PHF6: variants seen among roughly 807,000 people sequenced by gnomAD.
PHF6 encodes the protein PHD finger protein 6, also known as PHD-like zinc finger protein.
Under a neutral mutation model 34.0 loss-of-function variants are expected in PHF6, and 7 were observed. The observed-to-expected ratio is 0.21, with a 90% CI of 0.12 to 0.39. PHF6 has a LOEUF of 0.39. Among genes scored for constraint, PHF6 ranks in the 10% least tolerant of loss-of-function variants. The pLI is 1.00. For synonymous variants in PHF6, 89 were observed against 88.4 expected (o/e 1.01, Z -0.04); for missense variants, 128 against 262.8 (o/e 0.49, Z 3.55).
chrX:134,393,193 C>A (rs1205695919), intron 3 of PHF6, among the ~76,000 whole-genome samples: 1 of 111,798 alleles, frequency 8.9e-6, no homozygotes, highest in Non-Finnish European at 1.9e-5. Flanking sequence ...CATAAAAAGT[C>A]TCTTTTATAA....
At chrX:134,383,280 A>G (rs1602693967) in intron 3 of PHF6, among the ~76,000 whole-genome samples, 1 of 110,269 alleles carries the variant, frequency 9.1e-6, no homozygotes, top group South Asian at 3.9e-4. Context: ...TTTTAAATAT[A>G]TCAAGAAATT....
chrX:134,403,967 T>A (rs1265436970), intron 5 of PHF6, among the ~76,000 whole-genome samples: 1 of 110,672 alleles, frequency 9.0e-6, no homozygotes, highest in Non-Finnish European at 1.9e-5. Flanking sequence ...AGAGCTCTGA[T>A]GGAGATCTAC....
rs113820618 is a variant in PHF6 at position 134,400,104 on chromosome X, G to A, written c.418+6152G>A. ...ATTTTTATTTATTATTTTGAGACAG[G>A]GTCTCACTCTATCACGCAGGCTGGA... On this transcript the variant is annotated intron_variant, in intron 5 of 10. Coordinates refer to ENST00000370803, the MANE Select transcript of PHF6 (RefSeq NM_001015877.2). 7.4e-3 allele frequency among the ~76,000 whole-genome samples: 825 copies of A among 110,760 alleles called. 5 individuals carry two copies. Among genetic ancestry groups the A allele is most frequent in the African/African-American group, 0.026 (789 of 30,478 alleles).
intron 3 of PHF6, among the ~76,000 whole-genome samples, chrX:134,384,898 G>A (rs866832501): frequency 4.5e-5 from 5 of 110,886 alleles, no homozygotes; most frequent in Non-Finnish European, 7.6e-5. Flanking sequence ...TGATCCGCCC[G>A]CCTTGGCCTC....
In PHF6 at chrX:134,393,596, A is replaced by G. The variant is rs1249648889; in HGVS notation, c.336A>G (p.Lys112=). The change falls in exon 4 of 11, where the codon AAA becomes AAG. Residue 112 remains lysine (K), a synonymous_variant. Transcript: ENST00000370803. ...TYHYHCALHD[K]AQIREKPSQG... ...ACTACCACTGTGCATTGCATGATAA[A>G]GCTCAAATACGAGAGAAACCTTCAC... 8.3e-7 allele frequency: 1 copy of G among 1,208,177 alleles called. No homozygotes were observed. The highest frequency in any genetic ancestry group is 1.1e-6 in the Non-Finnish European group (1 of 892,587).
chrX:134,395,954 C>T (rs929604748), intron 5 of PHF6, among the ~76,000 whole-genome samples: 1 of 111,956 alleles, frequency 8.9e-6, no homozygotes, highest in Non-Finnish European at 1.9e-5. Flanking sequence ...ATTGGAAAAT[C>T]CTTTGTGAAA....
chrX:134,381,873 G>A (rs903520068), intron 3 of PHF6, among the ~76,000 whole-genome samples: 3 of 111,309 alleles, frequency 2.7e-5, no homozygotes, highest in Non-Finnish European at 5.7e-5. Flanking sequence ...GTGAAAAGTA[G>A]GTCATGAACA....
At chrX:134,373,539 C>T (rs2077266112) in intron 1 of PHF6, 72 bp downstream of exon 1, 1 of 111,359 alleles carries the variant, frequency 9.0e-6, no homozygotes, top group Admixed American at 9.4e-5. Context: ...ATGGCGGTGG[C>T]CAGGCCGCCG....
chrX:134,396,350 C>G (rs1308659641), intron 5 of PHF6, among the ~76,000 whole-genome samples: 2 of 111,465 alleles, frequency 1.8e-5, no homozygotes, highest in Non-Finnish European at 1.9e-5. Context: ...GTAGATAGCT[C>G]CCATTTTATT....
At chrX:134,416,244 G>A (rs942461215) in intron 8 of PHF6, among the ~76,000 whole-genome samples, 1 of 111,297 alleles carries the variant, frequency 9.0e-6, no homozygotes, top group Non-Finnish European at 1.9e-5. Context: ...ACAGGCGTGA[G>A]CACCCGGCTA....
At chrX:134,422,444 G>T (rs1308209368) in intron 9 of PHF6, among the ~76,000 whole-genome samples, 1 of 111,341 alleles carries the variant, frequency 9.0e-6, no homozygotes, top group Non-Finnish European at 1.9e-5. Context: ...TTGTAATGTG[G>T]ATTCCAGATA....
At chrX:134,377,981 AT>A (rs1469307624) in intron 2 of PHF6, 23 bp from the exon 3 acceptor site, 9 of 1,102,969 alleles carry the variant, frequency 8.2e-6, no homozygotes, top group Non-Finnish European at 9.9e-6. Context: ...ATGAACCTTA[AT>A]TTTTTTTAAA....
intron 4 of PHF6, 93 bp from the exon 5 acceptor site, chrX:134,393,816 G>A (rs937920386): frequency 2.3e-6 from 2 of 855,108 alleles, no homozygotes; most frequent in East Asian, 6.3e-5. Context: ...TCCAGCTAGT[G>A]AATTGGGTGA....
intron 3 of PHF6, among the ~76,000 whole-genome samples, chrX:134,387,139 G>T (rs1212163869): frequency 9.0e-6 from 1 of 111,383 alleles, no homozygotes; most frequent in Non-Finnish European, 1.9e-5. Flanking sequence ...TATTTTACCA[G>T]TCATTTATAT....
chrX:134,408,874 C>T (rs929139908), intron 5 of PHF6, among the ~76,000 whole-genome samples: 5 of 111,381 alleles, frequency 4.5e-5, no homozygotes, highest in East Asian at 2.8e-4. Flanking sequence ...CCACCATGCC[C>T]GGCTAATTTT....
chrX:134,414,504 C>T (rs779528979), intron 7 of PHF6, among the ~76,000 whole-genome samples: 1 of 110,898 alleles, frequency 9.0e-6, no homozygotes, highest in Non-Finnish European at 1.9e-5. Context: ...ATGACTCATC[C>T]CATTGATAAG....
At chrX:134,383,771 G>A (rs764098646) in intron 3 of PHF6, among the ~76,000 whole-genome samples, 10 of 111,342 alleles carry the variant, frequency 9.0e-5, no homozygotes, top group Non-Finnish European at 1.7e-4. Context: ...GGCAGAGCTG[G>A]GATTTGAATC....
intron 9 of PHF6, among the ~76,000 whole-genome samples, chrX:134,422,973 A>G (rs1321965024): frequency 1.8e-5 from 2 of 112,617 alleles, no homozygotes; most frequent in African/African-American, 6.4e-5. Context: ...ACAGAATAGT[A>G]TAACAAGTCC....
At chrX:134,418,821 A>T (rs2077480941) in intron 9 of PHF6, 1 of 107,737 alleles carries the variant, frequency 9.3e-6, no homozygotes, top group Non-Finnish European at 1.9e-5. Context: ...AAACAAACAA[A>T]CTGTAGACCA....
Sources: allele counts gnomAD v4.1 joint callset (sites outside exome capture counted in the v4.1 genomes callset), GRCh38; gene constraint gnomAD v4.1.1; transcripts MANE v1.5; gene names NCBI Gene and HGNC (gene_info 2026-07-23, HGNC 2026-07-21).